MACROD2: variants seen among roughly 807,000 people sequenced by gnomAD.
MACROD2 encodes the protein mono-ADP ribosylhydrolase 2.
Under a neutral mutation model 70.4 loss-of-function variants are expected in MACROD2, and 36 were observed. The observed-to-expected ratio is 0.51, with a 90% confidence interval of 0.39 to 0.68. MACROD2 has a LOEUF of 0.68. Among genes scored for constraint, MACROD2 ranks in the 30% least tolerant of loss-of-function variants. The pLI is 0.00. For missense variants in MACROD2, 496 were observed against 538.4 expected (o/e 0.92, Z 0.78); for synonymous variants, 172 against 178.8 (o/e 0.96, Z 0.30).
intron 4 of MACROD2, among the ~76,000 whole-genome samples, chr20:14,523,835 A>G (rs1025412003): frequency 1.3e-5 from 2 of 152,248 alleles, no homozygotes; most frequent in African/African-American, 4.8e-5. Flanking sequence ...TTTTGTGTCT[A>G]TATGAGTTTG....
intron 4 of MACROD2, among the ~76,000 whole-genome samples, chr20:14,645,582 T>G (rs1985344017): frequency 6.6e-6 from 1 of 152,104 alleles, no homozygotes; most frequent in African/African-American, 2.4e-5. Flanking sequence ...CTTTTTATAC[T>G]CAATTAACAT....
chr20:14,252,367 G>T (rs899668833), intron 3 of MACROD2, among the ~76,000 whole-genome samples: 5 of 151,836 alleles, frequency 3.3e-5, no homozygotes, highest in Admixed American at 2.6e-4. Flanking sequence ...GCTTTGGTTG[G>T]CCACCTTTCC....
At chr20:14,475,149 G>A (rs564460190) in intron 3 of MACROD2, among the ~76,000 whole-genome samples, 4 of 151,574 alleles carry the variant, frequency 2.6e-5, no homozygotes, top group East Asian at 1.9e-4. Flanking sequence ...TGTGGTTACC[G>A]TGAGGCTTGC....
intron 7 of MACROD2, among the ~76,000 whole-genome samples, chr20:15,499,374 A>G (rs1409755035): frequency 1.3e-5 from 2 of 152,086 alleles, no homozygotes; most frequent in African/African-American, 4.8e-5. Flanking sequence ...CCCTGGACTA[A>G]CTGCATGTTT....
chr20:14,248,381 C>T (rs1034406563), intron 3 of MACROD2, among the ~76,000 whole-genome samples: 2 of 152,090 alleles, frequency 1.3e-5, no homozygotes, highest in Admixed American at 6.6e-5. Flanking sequence ...ATCAAGAGTT[C>T]GAGACCAGCC....
At chr20:15,233,008 GGTT>G (rs1466253151) in intron 6 of MACROD2, among the ~76,000 whole-genome samples, 1 of 151,826 alleles carries the variant, frequency 6.6e-6, no homozygotes, top group African/African-American at 2.4e-5. Flanking sequence ...AGGATCTAGT[GGTT>G]GTTTTCTAAC....
At chr20:14,604,016 G>T (rs984642854) in intron 4 of MACROD2, among the ~76,000 whole-genome samples, 1 of 151,998 alleles carries the variant, frequency 6.6e-6, no homozygotes, top group Admixed American at 6.6e-5. Context: ...ACCTTCATTG[G>T]CCACTTGGAC....
intron 8 of MACROD2, among the ~76,000 whole-genome samples, chr20:15,577,621 G>A (rs539884366): frequency 2.3e-5 from 3 of 127,782 alleles, no homozygotes; most frequent in South Asian, 2.3e-4. Flanking sequence ...CCGTGCGTGC[G>A]TACTCCCTGC....
At position 15,775,123 on chromosome 20, in the gene MACROD2, G is replaced by A. The variant is rs150935217; in HGVS notation, c.646-87622G>A. 3.3e-5 allele frequency among the ~76,000 whole-genome samples: 5 copies of A among 152,232 alleles called. No individual in the cohort carries two copies. In the East Asian group the frequency reaches 9.7e-4, roughly 29 times the overall value. The stretch of plus-strand genomic sequence containing the variant: ...GGGAACAGGAATTTATGCTGAGCTA[G>A]TGACTGAATATACATATTTAATAAG... On this transcript the variant is annotated intron_variant, in intron 8 of 17. Transcript: ENST00000684519.
At chr20:16,045,368 T>G (rs2067365606) in intron 17 of MACROD2, among the ~76,000 whole-genome samples, 1 of 152,192 alleles carries the variant, frequency 6.6e-6, no homozygotes, top group Non-Finnish European at 1.5e-5. Context: ...CAGTACTGCT[T>G]GCTTCATGGC....
intron 8 of MACROD2, among the ~76,000 whole-genome samples, chr20:15,850,369 A>T (rs1419776612): frequency 6.6e-6 from 1 of 152,180 alleles, no homozygotes; most frequent in African/African-American, 2.4e-5. Context: ...CCAGCTCACT[A>T]GATATTTGCT....
At chr20:14,605,498 G>A (rs531122325) in intron 4 of MACROD2, among the ~76,000 whole-genome samples, 8 of 152,220 alleles carry the variant, frequency 5.3e-5, no homozygotes, top group Admixed American at 4.6e-4. Context: ...TCCGAATAAG[G>A]TCCCACTCGT....
At chr20:14,645,443 T>C (rs1285157812) in intron 4 of MACROD2, among the ~76,000 whole-genome samples, 1 of 152,070 alleles carries the variant, frequency 6.6e-6, no homozygotes, top group Non-Finnish European at 1.5e-5. Context: ...CAGAATTGAC[T>C]TCTGGAGACT....
intron 3 of MACROD2, among the ~76,000 whole-genome samples, chr20:14,467,899 T>G (rs1266053369): frequency 6.6e-6 from 1 of 152,148 alleles, no homozygotes; most frequent in African/African-American, 2.4e-5. Flanking sequence ...GGTTGTCCAG[T>G]TTCCATGTAG....
chr20:15,172,689 C>T (rs996902432), intron 5 of MACROD2, among the ~76,000 whole-genome samples: 4 of 152,186 alleles, frequency 2.6e-5, no homozygotes, highest in East Asian at 1.9e-4. Flanking sequence ...ACATTAGAGG[C>T]GTGAGCCCCT....
chr20:14,053,519 T>C (rs1443097418), intron 2 of MACROD2: 2 of 152,190 alleles, frequency 1.3e-5, no homozygotes, highest in African/African-American at 4.8e-5. Context: ...TGCTTCCATT[T>C]CATCCAAGGA....
chr20:14,385,966 G>A (rs915999241), intron 3 of MACROD2, among the ~76,000 whole-genome samples: 3 of 152,110 alleles, frequency 2.0e-5, no homozygotes, highest in Admixed American at 1.3e-4. Context: ...ATTCTTTCAT[G>A]CAAATGTATT....
At chr20:14,218,242 C>A (rs553016362) in intron 3 of MACROD2, among the ~76,000 whole-genome samples, 157 of 152,292 alleles carry the variant, frequency 1.0e-3, no homozygotes, top group Non-Finnish European at 1.9e-3. Context: ...TCCTGTTGGA[C>A]AAGGCCTTTT....
chr20:15,040,523 G>A (rs572021805), intron 5 of MACROD2, among the ~76,000 whole-genome samples: 89 of 150,696 alleles, frequency 5.9e-4, no homozygotes, highest in African/African-American at 2.1e-3. Flanking sequence ...CACTGAAGTG[G>A]GCTATTGAGG....
Sources: allele counts gnomAD v4.1 joint callset (sites outside exome capture counted in the v4.1 genomes callset), GRCh38; gene constraint gnomAD v4.1.1; transcripts MANE v1.5; gene names NCBI Gene and HGNC (gene_info 2026-07-23, HGNC 2026-07-21).